ANKRD11: variants seen among roughly 807,000 people sequenced by gnomAD.
The protein encoded by ANKRD11 is ankyrin repeat domain-containing protein 11.
Under a neutral mutation model 195.7 loss-of-function variants are expected in ANKRD11, and 17 were observed. That is an observed-to-expected ratio of 0.09 (90% CI 0.06 to 0.13). ANKRD11 has a LOEUF of 0.13. Ranked by LOEUF, ANKRD11 falls within the 10% of genes least tolerant of loss-of-function variation. The pLI is 1.00. For missense variants in ANKRD11, 3,735 were observed against 3,566.1 expected (o/e 1.05, Z -1.21); for synonymous variants, 1,953 against 1,528.1 (o/e 1.28, Z -6.49).
intron 2 of ANKRD11, among the ~76,000 whole-genome samples, chr16:89,376,823 G>C (rs1011446450): frequency 9.2e-5 from 14 of 152,218 alleles, no homozygotes; most frequent in Non-Finnish European, 1.6e-4. Flanking sequence ...GTAAGAAAGA[G>C]AAGCGAGCAC....
intron 2 of ANKRD11, among the ~76,000 whole-genome samples, chr16:89,390,128 T>G (rs2965825): frequency 6.1e-3 from 123 of 20,126 alleles, no homozygotes; most frequent in Non-Finnish European, 6.4e-3. Context: ...GAGTGTGGCG[T>G]GGAGCACAGA....
At chr16:89,346,984 G>A (rs770086305) in intron 2 of ANKRD11, among the ~76,000 whole-genome samples, 3 of 152,188 alleles carry the variant, frequency 2.0e-5, no homozygotes, top group Admixed American at 6.5e-5. Context: ...AGGAAGGCGC[G>A]AACTGTCTGC....
At chr16:89,313,180 C>G (rs1255218201) in intron 3 of ANKRD11, 3 of 913,850 alleles carry the variant, frequency 3.3e-6, no homozygotes, top group Non-Finnish European at 4.4e-6. Flanking sequence ...CCAAGTGAAG[C>G]TCAGGGGGCT....
At chr16:89,360,673 A>C (rs1428369949) in intron 2 of ANKRD11, 1 of 152,200 alleles carries the variant, frequency 6.6e-6, no homozygotes, top group African/African-American at 2.4e-5. Flanking sequence ...GTCGATGGTC[A>C]ACACTAGGCA....
intron 12 of ANKRD11, 65 bp from the exon 13 acceptor site, chr16:89,268,728 C>A: frequency 6.5e-6 from 10 of 1,531,474 alleles, no homozygotes; most frequent in Non-Finnish European, 8.8e-6. Flanking sequence ...ACTCTGCCGA[C>A]CTCAGCTGCC....
chr16:89,415,125 T>G (rs2042242420), intron 2 of ANKRD11, among the ~76,000 whole-genome samples: 1 of 151,906 alleles, frequency 6.6e-6, no homozygotes, highest in South Asian at 2.1e-4. Context: ...GGCTCATTTT[T>G]TTATTTTTTG....
At chr16:89,415,512 C>A (rs1050531366) in intron 2 of ANKRD11, among the ~76,000 whole-genome samples, 2 of 151,498 alleles carry the variant, frequency 1.3e-5, no homozygotes, top group Non-Finnish European at 2.9e-5. Context: ...GATCCACCCG[C>A]CTCGGCCTCC....
At chr16:89,352,174 G>A (rs2039249901) in intron 2 of ANKRD11, among the ~76,000 whole-genome samples, 1 of 152,138 alleles carries the variant, frequency 6.6e-6, no homozygotes, top group Non-Finnish European at 1.5e-5. Context: ...ACAGGCGTGA[G>A]CCATTGCACC....
At chr16:89,469,179 C>T (rs1194596049) in intron 1 of ANKRD11, among the ~76,000 whole-genome samples, 5 of 139,676 alleles carry the variant, frequency 3.6e-5, no homozygotes, top group African/African-American at 1.3e-4. Flanking sequence ...GGCTCTGTTT[C>T]AAAAAAAAAA....
chr16:89,334,559 G>A (rs775024571), intron 2 of ANKRD11, among the ~76,000 whole-genome samples: 7 of 152,120 alleles, frequency 4.6e-5, no homozygotes, highest in Non-Finnish European at 8.8e-5. Flanking sequence ...TGGGCATGCG[G>A]CATGCTATGG....
intron 1 of ANKRD11, among the ~76,000 whole-genome samples, chr16:89,436,095 G>A (rs1235017551): frequency 6.6e-6 from 1 of 152,132 alleles, no homozygotes; most frequent in Non-Finnish European, 1.5e-5. Context: ...ATTTGGGAAA[G>A]TAGACTAAAA....
intron 2 of ANKRD11, among the ~76,000 whole-genome samples, chr16:89,346,366 C>G (rs187234164): frequency 4.6e-5 from 7 of 152,018 alleles, no homozygotes; most frequent in Admixed American, 4.6e-4. Flanking sequence ...CTAACCCAGA[C>G]TACAAGACAG....
chr16:89,336,046 C>T (rs1671970530), intron 2 of ANKRD11, among the ~76,000 whole-genome samples: 1 of 152,218 alleles, frequency 6.6e-6, no homozygotes. Flanking sequence ...CACAGGAAAC[C>T]TTAGATACTA....
chr16:89,283,230 A>T lies in ANKRD11; in HGVS notation c.3312T>A (p.Asp1104Glu). ...AGCTTTTCTCTTTGCCTTTCTTGTC[A>T]TCTTTTTTTTCAGAGAAGTCTTCTG... ...IISEDFSEKK[D>E]DKKGKEKSWY... Residue 1104 changes from aspartate (D) to glutamate (E), a missense_variant, in exon 9 of 13, where the codon GAT becomes GAA. Asp to Glu is a conservative substitution (Grantham distance 45). Coordinates refer to ENST00000301030, the MANE Select transcript of ANKRD11 (RefSeq NM_013275.6). The surrounding 1 kb of genome is among the most constrained non-coding windows in gnomAD (Gnocchi z 4.3). 6.2e-7 allele frequency: 1 copy of T among 1,613,482 alleles called. No individual in the cohort carries two copies. The highest frequency in any genetic ancestry group is 8.5e-7 in the Non-Finnish European group (1 of 1,179,872).
In ANKRD11 at chr16:89,405,150, C is replaced by T. The variant is rs150437813; in HGVS notation, c.-60+13134G>A. ...GCGAGGTTGCGGTGAGTGGAGATCACGCCATTGCACTCCAGCCTGGGCGAC... is the reference window on the plus strand; with the variant it reads ...GCGAGGTTGCGGTGAGTGGAGATCATGCCATTGCACTCCAGCCTGGGCGAC... On this transcript the variant is annotated intron_variant, in intron 2 of 12. Transcript: ENST00000301030. Among the ~76,000 whole-genome samples the T allele has an allele frequency of 7.2e-5, 11 of 152,130 alleles. No homozygotes were observed. In the South Asian group the frequency reaches 1.9e-3, roughly 26 times the overall value.
At chr16:89,326,391 C>T (rs1354632088) in intron 2 of ANKRD11, among the ~76,000 whole-genome samples, 3 of 151,898 alleles carry the variant, frequency 2.0e-5, no homozygotes, top group Non-Finnish European at 2.9e-5. Context: ...CCCCCCACCC[C>T]GCTGCAGAAG....
chr16:89,451,875 A>G (rs997592498), intron 1 of ANKRD11, among the ~76,000 whole-genome samples: 1 of 152,208 alleles, frequency 6.6e-6, no homozygotes, highest in Non-Finnish European at 1.5e-5. Flanking sequence ...GTAATCTAAG[A>G]CCTAAAGTTT....
intron 1 of ANKRD11, among the ~76,000 whole-genome samples, chr16:89,429,842 G>C (rs2042899091): frequency 1.8e-5 from 1 of 56,704 alleles, no homozygotes; most frequent in Non-Finnish European, 3.6e-5. Context: ...GTACACAGCA[G>C]GGACTCTCAA....
chr16:89,349,988 C>A (rs936589401), intron 2 of ANKRD11, among the ~76,000 whole-genome samples: 3 of 151,446 alleles, frequency 2.0e-5, no homozygotes, highest in Non-Finnish European at 4.4e-5. Context: ...AGCAGACAAC[C>A]CGATTTTTAG....
Sources: allele counts gnomAD v4.1 joint callset (sites outside exome capture counted in the v4.1 genomes callset), GRCh38; gene constraint gnomAD v4.1.1; non-coding constraint Gnocchi (gnomAD v3.1); transcripts MANE v1.5; gene names NCBI Gene and HGNC (gene_info 2026-07-23, HGNC 2026-07-21).